DLGAP2: variants seen among roughly 807,000 people sequenced by gnomAD.
DLGAP2 encodes the protein disks large-associated protein 2.
A neutral mutation model predicts 100.3 loss-of-function variants in DLGAP2; 26 were observed. The observed-to-expected ratio is 0.26, with a 90% confidence interval of 0.19 to 0.36. The LOEUF (loss-of-function observed/expected upper bound fraction) is 0.36, where lower values mean the gene tolerates loss of function less well. Ranked by LOEUF, DLGAP2 falls within the 10% of genes least tolerant of loss-of-function variation. The pLI is 1.00. For missense variants in DLGAP2, 1,858 were observed against 1,453.2 expected (o/e 1.28, Z -4.53); for synonymous variants, 886 against 630.1 (o/e 1.41, Z -6.08).
chr8:1,070,214 C>G (rs1458474797), intron 2 of DLGAP2, among the ~76,000 whole-genome samples: 1 of 152,118 alleles, frequency 6.6e-6, no homozygotes. Context: ...TGCCTCCTTT[C>G]CTGAGTTCTG....
intron 6 of DLGAP2, among the ~76,000 whole-genome samples, chr8:1,575,210 G>T (rs189297650): frequency 7.2e-5 from 11 of 152,148 alleles, no homozygotes; most frequent in African/African-American, 2.7e-4. Context: ...GTGACTTGGC[G>T]ATTGTGAGCA....
intron 3 of DLGAP2, among the ~76,000 whole-genome samples, chr8:1,485,964 C>G (rs1018172797): frequency 2.0e-5 from 3 of 152,112 alleles, no homozygotes; most frequent in Admixed American, 2.0e-4. Flanking sequence ...GAGGTGGAGG[C>G]TGCAGTGAGC....
Position 905,456 on chromosome 8 carries a change from C to A in DLGAP2, c.19-2456C>A, listed in dbSNP as rs972814618. 5.9e-5 allele frequency among the ~76,000 whole-genome samples: 9 copies of A among 152,272 alleles called. No individual in the cohort carries two copies. The South Asian group carries it at 6.2e-4, about 11-fold the overall frequency. On this transcript the variant is annotated intron_variant, in intron 1 of 14. Transcript: ENST00000637795. ...CTGGTGACTCTCAAGCGATTCCCCCCCCACAGCCCTTTTTCAAATCGAACA... is the reference window on the plus strand; with the variant it reads ...CTGGTGACTCTCAAGCGATTCCCCCACCACAGCCCTTTTTCAAATCGAACA...
intron 2 of DLGAP2, among the ~76,000 whole-genome samples, chr8:969,390 C>T (rs1203121111): frequency 6.6e-6 from 1 of 152,146 alleles, no homozygotes; most frequent in Admixed American, 6.5e-5. Flanking sequence ...CTTCTCTCTA[C>T]ACGTGCACAG....
chr8:1,165,020 G>T lies in DLGAP2; in HGVS notation c.74-93831G>T, dbSNP rs143253873. On this transcript the variant is annotated intron_variant, in intron 2 of 14. Transcript: ENST00000637795. Reference sequence around the variant, plus strand: ...AGACTGTTATGAGTTCAGGGATGGGGTTGGGTGTTGGGAGTCCGGGGTCCT... The same window carrying T: ...AGACTGTTATGAGTTCAGGGATGGGTTTGGGTGTTGGGAGTCCGGGGTCCT... 1.8e-4 allele frequency among the ~76,000 whole-genome samples: 28 copies of T among 152,222 alleles called. 1 individual carries two copies. Among genetic ancestry groups the T allele is most frequent in the African/African-American group, 6.5e-4 (27 of 41,524 alleles).
At chr8:1,529,930 C>T (rs561122305) in intron 4 of DLGAP2, among the ~76,000 whole-genome samples, 15 of 152,112 alleles carry the variant, frequency 9.9e-5, no homozygotes, top group South Asian at 4.2e-4. Context: ...AGGGAGTGTG[C>T]GAATAGGTGT....
chr8:900,355 C>G (rs1053346095), intron 1 of DLGAP2, among the ~76,000 whole-genome samples: 101 of 149,816 alleles, frequency 6.7e-4, no homozygotes, highest in African/African-American at 2.3e-3. Context: ...TGGGCGCCCT[C>G]CTCTTCACGG....
At chr8:1,196,392 C>T (rs924712171) in intron 2 of DLGAP2, among the ~76,000 whole-genome samples, 5 of 152,180 alleles carry the variant, frequency 3.3e-5, no homozygotes, top group African/African-American at 1.2e-4. Flanking sequence ...GGGGCTAACA[C>T]AGGGGAGAAG....
chr8:1,330,067 G>A (rs926180495), intron 3 of DLGAP2, among the ~76,000 whole-genome samples: 5 of 152,212 alleles, frequency 3.3e-5, no homozygotes, highest in African/African-American at 9.6e-5. Flanking sequence ...TGTTTGTGGT[G>A]GGTCACAGTC....
At chr8:1,322,277 A>G (rs930735146) in intron 3 of DLGAP2, among the ~76,000 whole-genome samples, 1 of 152,250 alleles carries the variant, frequency 6.6e-6, no homozygotes, top group African/African-American at 2.4e-5. Context: ...TTTTAGTTAA[A>G]AGCCAAGCAT....
At chr8:1,264,199 C>G (rs1384514257) in intron 3 of DLGAP2, among the ~76,000 whole-genome samples, 1 of 152,106 alleles carries the variant, frequency 6.6e-6, no homozygotes, top group Non-Finnish European at 1.5e-5. Context: ...GCCCCAAGAA[C>G]TAAGAAGGAA....
At position 1,337,760 on chromosome 8, in the gene DLGAP2, C is replaced by T. The variant is rs546606560; in HGVS notation, c.106+78877C>T. 4.6e-5 allele frequency among the ~76,000 whole-genome samples: 7 copies of T among 152,174 alleles called. No homozygotes were observed. In the South Asian group the frequency reaches 8.3e-4, roughly 18 times the overall value. On this transcript the variant is annotated intron_variant, in intron 3 of 14. Coordinates refer to ENST00000637795, the MANE Select transcript of DLGAP2 (RefSeq NM_001346810.2). ...ACAATCTAGAAAGTGAAAATACAAC[C>T]GATAAAATGGTAGAAAATATCTGCA...
chr8:976,157 A>T (rs1309494664), intron 2 of DLGAP2, among the ~76,000 whole-genome samples: 1 of 152,228 alleles, frequency 6.6e-6, no homozygotes, highest in Non-Finnish European at 1.5e-5. Context: ...ATCTGTATGA[A>T]GAAAGCTACA....
chr8:1,331,312 G>A (rs1801152778), intron 3 of DLGAP2, among the ~76,000 whole-genome samples: 1 of 152,196 alleles, frequency 6.6e-6, no homozygotes. Flanking sequence ...CTGGTTGGGT[G>A]GGTTGGCTGC....
At chr8:1,589,873 C>T (rs1373800638) in intron 6 of DLGAP2, among the ~76,000 whole-genome samples, 1 of 152,190 alleles carries the variant, frequency 6.6e-6, no homozygotes, top group Non-Finnish European at 1.5e-5. Context: ...GACCCCGCAA[C>T]ACCATTTACA....
rs541310044 is a variant in DLGAP2, at chr8:763,698, GGTGTGTCCTTCGTCTCAAAGACAATAC to G, written c.18+25883_18+25909del. ...GGGCAGCACACCTCACCGGGGACTC[GGTGTGTCCTTCGTCTCAAAGACAATAC>G]GTGTGTCCTGAGTGCAAGGCACTGA... On this transcript the variant is annotated intron_variant, in intron 1 of 14. Coordinates refer to ENST00000637795, the MANE Select transcript of DLGAP2 (RefSeq NM_001346810.2). Among the ~76,000 whole-genome samples the G allele has an allele frequency of 2.0e-3, 309 of 152,196 alleles. 1 individual carries two copies. The highest frequency in any genetic ancestry group is 7.1e-3 in the African/African-American group (295 of 41,530).
At chr8:907,053 C>G (rs962966850) in intron 1 of DLGAP2, among the ~76,000 whole-genome samples, 4 of 152,166 alleles carry the variant, frequency 2.6e-5, no homozygotes, top group African/African-American at 9.7e-5. Flanking sequence ...TATACTCAGC[C>G]AGACTGAAAG....
intron 3 of DLGAP2, among the ~76,000 whole-genome samples, chr8:1,317,593 C>G (rs1449036573): frequency 0.012 from 622 of 52,968 alleles, no homozygotes; most frequent in African/African-American, 0.02. Flanking sequence ...TTTAAAAATA[C>G]AGGCTGTGCG....
chr8:1,666,290 C>G (rs1392429940), intron 8 of DLGAP2, among the ~76,000 whole-genome samples: 3 of 152,202 alleles, frequency 2.0e-5, no homozygotes, highest in Non-Finnish European at 4.4e-5. Context: ...AAGAGAAGCT[C>G]AGCACCCGAT....
Sources: allele counts gnomAD v4.1 joint callset (sites outside exome capture counted in the v4.1 genomes callset), GRCh38; gene constraint gnomAD v4.1.1; transcripts MANE v1.5; gene names NCBI Gene and HGNC (gene_info 2026-07-23, HGNC 2026-07-21).